The following MARCHF1 variants were observed in gnomAD, a reference collection of about 807,000 sequenced individuals.
MARCHF1 encodes membrane associated ring-CH-type finger 1.
In MARCHF1, 40 loss-of-function variants were observed where a neutral mutation model predicts 54.2. The ratio of observed to expected loss-of-function variants is 0.74; its 90% CI spans 0.57 to 0.96. The LOEUF (loss-of-function observed/expected upper bound fraction) is 0.96, where lower values mean the gene tolerates loss of function less well. Among genes scored for constraint, MARCHF1 ranks in the 40% least tolerant of loss-of-function variants. MARCHF1 has a pLI of 0.00. For missense variants in MARCHF1, 586 were observed against 656.5 expected (o/e 0.89, Z 1.17); for synonymous variants, 236 against 236.3 (o/e 1.00, Z 0.01).
intron 2 of MARCHF1, among the ~76,000 whole-genome samples, chr4:163,997,677 T>C (rs1349219901): frequency 2.6e-5 from 4 of 151,984 alleles, no homozygotes; most frequent in Non-Finnish European, 5.9e-5. Flanking sequence ...AAACCTTGTA[T>C]AGTAATATAT....
intron 4 of MARCHF1, among the ~76,000 whole-genome samples, chr4:163,724,860 C>A (rs181192326): frequency 6.6e-6 from 1 of 152,002 alleles, no homozygotes; most frequent in Non-Finnish European, 1.5e-5. Context: ...ATTGGAAAAG[C>A]GCAGTATTAG....
At chr4:163,590,027 C>A (rs550188144) in intron 7 of MARCHF1, among the ~76,000 whole-genome samples, 1 of 148,612 alleles carries the variant, frequency 6.7e-6, no homozygotes, top group Non-Finnish European at 1.5e-5. Context: ...GACCACATAA[C>A]GCTATGCAGC....
chr4:163,670,515 A>G (rs1212569356), intron 5 of MARCHF1, among the ~76,000 whole-genome samples: 2 of 151,518 alleles, frequency 1.3e-5, no homozygotes, highest in Non-Finnish European at 2.9e-5. Context: ...TACTTTGTAC[A>G]TTGTTTTCAT....
chr4:164,014,281 CTT>C (rs979258009), intron 2 of MARCHF1, among the ~76,000 whole-genome samples: 3 of 151,646 alleles, frequency 2.0e-5, no homozygotes, highest in Non-Finnish European at 1.5e-5. Flanking sequence ...TTAGTTTTCT[CTT>C]TGTTTGCTTT....
At chr4:163,911,841 G>A (rs1751195738) in intron 3 of MARCHF1, among the ~76,000 whole-genome samples, 1 of 152,096 alleles carries the variant, frequency 6.6e-6, no homozygotes, top group Non-Finnish European at 1.5e-5. Flanking sequence ...GAGATTTCGG[G>A]AGAAATCAAT....
At chr4:164,002,643 C>T (rs1480436169) in intron 2 of MARCHF1, among the ~76,000 whole-genome samples, 1 of 151,604 alleles carries the variant, frequency 6.6e-6, no homozygotes, top group Admixed American at 6.6e-5. Flanking sequence ...TAGGAAAATA[C>T]ATTGAACGAA....
intron 2 of MARCHF1, among the ~76,000 whole-genome samples, chr4:164,045,983 C>T (rs541694851): frequency 6.6e-6 from 1 of 152,302 alleles, no homozygotes; most frequent in South Asian, 2.1e-4. Context: ...CACAAGATTC[C>T]TAAATCAGAA....
chr4:163,854,363 A>G (rs900610756), intron 3 of MARCHF1, among the ~76,000 whole-genome samples, 194 bp from the exon 4 acceptor site: 7 of 152,210 alleles, frequency 4.6e-5, no homozygotes, highest in African/African-American at 7.2e-5. Flanking sequence ...GACAATAGAA[A>G]GAGTATACAT....
At chr4:164,118,196 A>G (rs1755979541) in intron 1 of MARCHF1, among the ~76,000 whole-genome samples, 4 of 151,816 alleles carry the variant, frequency 2.6e-5, no homozygotes, top group Admixed American at 2.6e-4. Flanking sequence ...GAAACTAAAA[A>G]CAAATATTTT....
chr4:164,252,300 T>G (rs1419696037), intron 1 of MARCHF1, among the ~76,000 whole-genome samples: 2 of 152,052 alleles, frequency 1.3e-5, no homozygotes, highest in Non-Finnish European at 2.9e-5. Context: ...TTTAAAAATG[T>G]GTAACTATAT....
At chr4:164,284,399 G>T (rs1308512365) in intron 1 of MARCHF1, among the ~76,000 whole-genome samples, 3 of 150,244 alleles carry the variant, frequency 2.0e-5, no homozygotes, top group Non-Finnish European at 2.9e-5. Flanking sequence ...CTCCAGAGTA[G>T]AAAAATTGTA....
At chr4:163,847,535 C>T (rs993672245) in intron 4 of MARCHF1, among the ~76,000 whole-genome samples, 2 of 137,356 alleles carry the variant, frequency 1.5e-5, no homozygotes, top group Non-Finnish European at 3.0e-5. Flanking sequence ...TTGATCTTTT[C>T]GAATTACAGT....
intron 3 of MARCHF1, among the ~76,000 whole-genome samples, chr4:163,870,102 C>T (rs1750138932): frequency 6.6e-6 from 1 of 152,116 alleles, no homozygotes; most frequent in Non-Finnish European, 1.5e-5. Context: ...TAACACTTCA[C>T]ATAGTTTAAT....
At chr4:163,633,469 T>C (rs1370154786) in intron 5 of MARCHF1, among the ~76,000 whole-genome samples, 1 of 152,202 alleles carries the variant, frequency 6.6e-6, no homozygotes, top group African/African-American at 2.4e-5. Flanking sequence ...CAGGAGCCGA[T>C]GCGATCAACT....
At chr4:164,074,678 ATTTCTCTGTTATGTT>A (rs1383978372) in intron 2 of MARCHF1, among the ~76,000 whole-genome samples, 2 of 152,090 alleles carry the variant, frequency 1.3e-5, no homozygotes, top group African/African-American at 4.8e-5. Flanking sequence ...ACATGGAAAA[ATTTCTCTGTTATGTT>A]TTGAAAAGAA....
At chr4:163,622,924 C>G (rs536155794) in intron 5 of MARCHF1, among the ~76,000 whole-genome samples, 1 of 152,244 alleles carries the variant, frequency 6.6e-6, no homozygotes, top group African/African-American at 2.4e-5. Flanking sequence ...TCTAGCCTGT[C>G]TTGAGAGGCC....
chr4:164,281,216 T>A (rs1254136002), intron 1 of MARCHF1, among the ~76,000 whole-genome samples: 1 of 152,192 alleles, frequency 6.6e-6, no homozygotes, highest in Non-Finnish European at 1.5e-5. Flanking sequence ...AAAGCTTGAT[T>A]GTGTCATGAA....
At chr4:163,948,818 GC>G (rs1467405936) in intron 3 of MARCHF1, among the ~76,000 whole-genome samples, 3 of 152,222 alleles carry the variant, frequency 2.0e-5, no homozygotes, top group Admixed American at 1.3e-4. Context: ...TATCATGTTA[GC>G]TTTAGCAATA....
intron 4 of MARCHF1, among the ~76,000 whole-genome samples, chr4:163,804,713 G>T (rs1369317727): frequency 6.6e-6 from 1 of 152,082 alleles, no homozygotes; most frequent in Non-Finnish European, 1.5e-5. Flanking sequence ...ATCATCCATA[G>T]AATAGAGAGC....
Sources: gnomAD v4.1 joint callset for allele counts (sites outside exome capture counted in the v4.1 genomes callset) on GRCh38, gnomAD v4.1.1 for gene constraint, MANE v1.5 for transcripts, NCBI Gene and HGNC (gene_info 2026-07-23, HGNC 2026-07-21) for gene names.